The following CTIF variants were observed in gnomAD, a reference collection of about 807,000 sequenced individuals.
CTIF encodes the protein CBP80/20-dependent translation initiation factor.
A neutral mutation model predicts 66.0 loss-of-function variants in CTIF; 21 were observed. That is an observed-to-expected ratio of 0.32 (90% confidence interval 0.23 to 0.46). CTIF has a LOEUF of 0.46. Ranked by LOEUF, CTIF falls within the 20% of genes least tolerant of loss-of-function variation. The probability of loss-of-function intolerance (pLI) is 1.00; values close to 1 mark genes in which losing one functional copy is unlikely to be tolerated. For synonymous variants in CTIF, 345 were observed against 326.4 expected, an observed-to-expected ratio of 1.06 and a Z score of -0.62; for missense variants, 739 against 812.7, an observed-to-expected ratio of 0.91 and a Z score of 1.10.
At chr18:48,758,490 A>G (rs927954926) in intron 8 of CTIF, 85 bp downstream of exon 8, 1 of 1,486,470 alleles carries the variant, frequency 6.7e-7, no homozygotes, top group African/African-American at 1.4e-5. Context: ...CACAGTGCAG[A>G]GCCTTGTGGG....
chr18:48,569,149 A>G lies in CTIF; in HGVS notation c.-29+29837A>G, dbSNP rs556887321. The stretch of plus-strand genomic sequence containing the variant: ...CTCATTTTACCTTAATTACCACTCT[A>G]AAGTCTTTTCTTCAGATGCAGTCAT... On this transcript the variant is annotated intron_variant, in intron 1 of 11. Coordinates refer to ENST00000256413, the MANE Select transcript of CTIF (RefSeq NM_014772.3). Among the ~76,000 whole-genome samples the G allele has an allele frequency of 7.9e-5, 12 of 152,316 alleles. 1 individual carries two copies. The South Asian group carries it at 1.5e-3, about 18-fold the overall frequency.
intron 6 of CTIF, among the ~76,000 whole-genome samples, chr18:48,682,641 T>G (rs1027153741): frequency 1.3e-5 from 2 of 152,188 alleles, no homozygotes. Flanking sequence ...GTTGGTTGGT[T>G]TTTACCATTA....
intron 2 of CTIF, among the ~76,000 whole-genome samples, chr18:48,621,174 G>A (rs184317689): frequency 8.5e-5 from 13 of 152,156 alleles, no homozygotes; most frequent in Admixed American, 2.6e-4. Flanking sequence ...TATTCTACTC[G>A]TGGATGATCA....
chr18:48,832,660 A>G (rs946530314), intron 10 of CTIF, among the ~76,000 whole-genome samples: 1 of 152,206 alleles, frequency 6.6e-6, no homozygotes, highest in East Asian at 1.9e-4. Flanking sequence ...CCCCTTGATT[A>G]CACAGGACTA....
intron 2 of CTIF, among the ~76,000 whole-genome samples, chr18:48,633,818 ATTAT>A (rs1292420328): frequency 1.3e-5 from 2 of 152,158 alleles, no homozygotes; most frequent in Non-Finnish European, 2.9e-5. Context: ...TTGTTTTGGA[ATTAT>A]TTTAGACTTA....
chr18:48,595,272 G>A lies in CTIF; in HGVS notation c.-28-24266G>A, dbSNP rs532223564. Reference sequence around the variant, plus strand: ...ACCCAGCCCAGCCTCTTATCCAGACGAGGGGACTGAGAGCAAAGGGGAGAG... The same window carrying A: ...ACCCAGCCCAGCCTCTTATCCAGACAAGGGGACTGAGAGCAAAGGGGAGAG... On this transcript the variant is annotated intron_variant, in intron 1 of 11. Transcript: ENST00000256413. 1.4e-3 allele frequency among the ~76,000 whole-genome samples: 220 copies of A among 152,282 alleles called. 1 individual carries two copies. The highest frequency in any genetic ancestry group is 5.0e-3 in the African/African-American group (206 of 41,558).
intron 1 of CTIF, among the ~76,000 whole-genome samples, chr18:48,548,388 C>G (rs2088805550): frequency 6.6e-6 from 1 of 152,244 alleles, no homozygotes; most frequent in Non-Finnish European, 1.5e-5. Flanking sequence ...TGTCACCAAA[C>G]AGGCTGGTGT....
chr18:48,571,500 T>G (rs957613742), intron 1 of CTIF, among the ~76,000 whole-genome samples: 12 of 152,232 alleles, frequency 7.9e-5, no homozygotes, highest in Admixed American at 7.8e-4. Flanking sequence ...TCAGTGTTTC[T>G]TCATGCATGA....
intron 1 of CTIF, among the ~76,000 whole-genome samples, chr18:48,552,239 A>G (rs965273531): frequency 1.3e-5 from 2 of 152,236 alleles, no homozygotes; most frequent in Non-Finnish European, 2.9e-5. Context: ...CAACGGGGAC[A>G]TTTAAGCAAG....
intron 1 of CTIF, among the ~76,000 whole-genome samples, chr18:48,576,656 C>T (rs2089539415): frequency 6.6e-6 from 1 of 152,192 alleles, no homozygotes; most frequent in African/African-American, 2.4e-5. Context: ...CTCCGTAATA[C>T]CAAATGAAAC....
At chr18:48,731,241 C>T (rs2092454696) in intron 7 of CTIF, among the ~76,000 whole-genome samples, 1 of 152,150 alleles carries the variant, frequency 6.6e-6, no homozygotes, top group Non-Finnish European at 1.5e-5. Flanking sequence ...CTCTCAAAAG[C>T]TCCAGGCCCA....
At chr18:48,685,297 A>G (rs1026484076) in intron 6 of CTIF, among the ~76,000 whole-genome samples, 32 of 151,932 alleles carry the variant, frequency 2.1e-4, no homozygotes, top group African/African-American at 7.2e-4. Flanking sequence ...ACCTCGGCTC[A>G]CTGCAACCTC....
intron 9 of CTIF, among the ~76,000 whole-genome samples, chr18:48,803,072 A>C (rs925245475): frequency 4.6e-5 from 7 of 152,142 alleles, no homozygotes; most frequent in African/African-American, 1.7e-4. Flanking sequence ...CTCTGCTGCA[A>C]CCCAGCGCCA....
At chr18:48,560,919 C>CTT (rs1747884672) in intron 1 of CTIF, among the ~76,000 whole-genome samples, 1 of 152,104 alleles carries the variant, frequency 6.6e-6, no homozygotes, top group African/African-American at 2.4e-5. Context: ...TCATCTTCTA[C>CTT]TTGCAGTCTT....
chr18:48,688,408 G>A (rs7244718), intron 6 of CTIF: 1 of 152,310 alleles, frequency 6.6e-6, no homozygotes, highest in Admixed American at 6.5e-5. Flanking sequence ...AGGTATAGGG[G>A]TGCCAAGGAT....
chr18:48,771,758 G>C (rs777602021), intron 9 of CTIF, among the ~76,000 whole-genome samples: 3 of 152,144 alleles, frequency 2.0e-5, no homozygotes, highest in Non-Finnish European at 2.9e-5. Flanking sequence ...TCCTTCCCCG[G>C]AGCCAGGCAG....
intron 9 of CTIF, among the ~76,000 whole-genome samples, chr18:48,769,125 C>T (rs1292876443): frequency 6.6e-6 from 1 of 152,190 alleles, no homozygotes; most frequent in African/African-American, 2.4e-5. Context: ...GCATCCTCTC[C>T]CTCTTCTCAG....
At chr18:48,854,424 C>T (rs2069279294) in intron 10 of CTIF, among the ~76,000 whole-genome samples, 2 of 152,250 alleles carry the variant, frequency 1.3e-5, no homozygotes, top group South Asian at 4.1e-4. Context: ...ATGGCTTTAA[C>T]CAAAGAGGGG....
chr18:48,633,513 C>A lies in CTIF; in HGVS notation c.181-3101C>A, dbSNP rs28675697. Among the ~76,000 whole-genome samples, 424 of 152,088 alleles carry A rather than the reference C, an allele frequency of 2.8e-3. 4 individuals are homozygous for A. The highest frequency in any genetic ancestry group is 9.8e-3 in the African/African-American group (408 of 41,470). On this transcript the variant is annotated intron_variant, in intron 2 of 11. Transcript: ENST00000256413. ...GGTCAGGAGTTTGAAACCAGGCTGGCCAACATGGTGAAACCCCATCTCTAC... is the reference window on the plus strand; with the variant it reads ...GGTCAGGAGTTTGAAACCAGGCTGGACAACATGGTGAAACCCCATCTCTAC...
Sources: allele counts gnomAD v4.1 joint callset (sites outside exome capture counted in the v4.1 genomes callset), GRCh38; gene constraint gnomAD v4.1.1; transcripts MANE v1.5; gene names NCBI Gene and HGNC (gene_info 2026-07-23, HGNC 2026-07-21).